TSPAN18: variants seen among roughly 807,000 people sequenced by gnomAD.
TSPAN18 encodes the protein tetraspanin-18.
TSPAN18 carries 14 observed loss-of-function variants against 27.3 expected under a neutral mutation model. That is an observed-to-expected ratio of 0.51 (90% CI 0.34 to 0.80). TSPAN18 has a LOEUF of 0.80. Among genes scored for constraint, TSPAN18 ranks in the 30% least tolerant of loss-of-function variants. TSPAN18 has a pLI of 0.01. For missense variants in TSPAN18, 268 were observed against 323.9 expected, an observed-to-expected ratio of 0.83 and a Z score of 1.32; for synonymous variants, 143 against 136.5, an observed-to-expected ratio of 1.05 and a Z score of -0.33.
At position 44,768,165 on chromosome 11, in the gene TSPAN18, G is replaced by A. The variant is rs950821217; in HGVS notation, c.-153+3653G>A. Among the ~76,000 whole-genome samples the A allele has an allele frequency of 6.0e-4, 91 of 152,128 alleles. 1 individual carries two copies. The highest frequency in any genetic ancestry group is 2.1e-4 in the South Asian group (1 of 4,824). On this transcript the variant is annotated intron_variant, in intron 2 of 9. Coordinates refer to ENST00000520358, the MANE Select transcript of TSPAN18 (RefSeq NM_130783.5). ...AACTTGCAGGATTTTGATTGGGGTC[G>A]TCTTGAATCTGTATATCAAGTTGGG...
Position 44,841,510 on chromosome 11 carries a change from CAT to C in TSPAN18, c.-152-18817_-152-18816del, listed in dbSNP as rs542743623. ...CAGCCTGGGCAAGAGCACGAAATTC[CAT>C]CTAAAAAAAAAAAAAGACTGCATGT... On this transcript the variant is annotated intron_variant, in intron 2 of 9. Coordinates refer to ENST00000520358, the MANE Select transcript of TSPAN18 (RefSeq NM_130783.5). Among the ~76,000 whole-genome samples, 386 of 85,902 alleles carry C rather than the reference CAT, an allele frequency of 4.5e-3. 4 individuals are homozygous for C. Among genetic ancestry groups the C allele is most frequent in the African/African-American group, 0.012 (371 of 32,190 alleles). 56.4% of individuals were successfully genotyped at this position (85,902 alleles called of 152,430 possible). A position where few individuals can be genotyped will look rare whatever the true frequency, so the allele number is the denominator to read the frequency against.
intron 2 of TSPAN18, among the ~76,000 whole-genome samples, chr11:44,837,548 A>G (rs982484282): frequency 6.6e-6 from 1 of 152,314 alleles, no homozygotes; most frequent in East Asian, 1.9e-4. Flanking sequence ...CAAAGGATGG[A>G]CTCCAATTTT....
At chr11:44,898,187 A>G (rs953374021) in intron 3 of TSPAN18, among the ~76,000 whole-genome samples, 13 of 152,236 alleles carry the variant, frequency 8.5e-5, no homozygotes, top group African/African-American at 3.1e-4. Context: ...AAAATAAATA[A>G]GTAGCACATA....
intron 9 of TSPAN18, among the ~76,000 whole-genome samples, chr11:44,927,073 C>T (rs895213035): frequency 6.6e-6 from 1 of 152,236 alleles, no homozygotes; most frequent in African/African-American, 2.4e-5. Context: ...AGAGATTTCA[C>T]GCTTGCAGAG....
In TSPAN18 at chr11:44,809,109, C is replaced by T. The variant is rs1856662562; in HGVS notation, c.-153+44597C>T. The stretch of plus-strand genomic sequence containing the variant: ...TGAACACTGTTTTACAACTGAGGCA[C>T]AGAGAGGTTAGGTGACTTCCCACAG... On this transcript the variant is annotated intron_variant, in intron 2 of 9. Transcript: ENST00000520358. Among the ~76,000 whole-genome samples, 3 of 152,260 alleles carry T rather than the reference C, an allele frequency of 2.0e-5. No individual in the cohort carries two copies. In the South Asian group the frequency reaches 6.2e-4, roughly 32 times the overall value.
intron 3 of TSPAN18, among the ~76,000 whole-genome samples, chr11:44,895,611 A>G (rs189391467): frequency 1.3e-5 from 2 of 152,310 alleles, no homozygotes; most frequent in African/African-American, 4.8e-5. Context: ...AAGTTGGGAC[A>G]CCACAAGGGG....
At chr11:44,810,334 C>T (rs182392052) in intron 2 of TSPAN18, among the ~76,000 whole-genome samples, 246 of 152,274 alleles carry the variant, frequency 1.6e-3, no homozygotes, top group African/African-American at 5.4e-3. Flanking sequence ...CCTCTTCCTT[C>T]TCTATGGATT....
At position 44,874,283 on chromosome 11, in the gene TSPAN18, C is replaced by A. The variant is rs138945242; in HGVS notation, c.-11+13814C>A. 6.1e-3 allele frequency among the ~76,000 whole-genome samples: 926 copies of A among 152,272 alleles called. 7 individuals carry two copies. Among genetic ancestry groups the A allele is most frequent in the African/African-American group, 0.021 (889 of 41,552 alleles). On this transcript the variant is annotated intron_variant, in intron 3 of 9. Transcript: ENST00000520358. The stretch of plus-strand genomic sequence containing the variant: ...AGAGATGGCAGCCAGGTGACCTGGG[C>A]ATGGGGAAAAGGGTGGGTCTCAAGT...
At chr11:44,865,707 G>T (rs907441186) in intron 3 of TSPAN18, among the ~76,000 whole-genome samples, 1 of 152,122 alleles carries the variant, frequency 6.6e-6, no homozygotes, top group Admixed American at 6.5e-5. Flanking sequence ...AAGGACAGGG[G>T]ACAGCTATGC....
intron 2 of TSPAN18, among the ~76,000 whole-genome samples, chr11:44,829,716 G>T (rs1385135616): frequency 6.6e-6 from 1 of 151,920 alleles, no homozygotes. Flanking sequence ...ACAATTTTTG[G>T]ATTATACAAT....
At chr11:44,734,207 C>T (rs1304333900) in intron 1 of TSPAN18, among the ~76,000 whole-genome samples, 1 of 152,214 alleles carries the variant, frequency 6.6e-6, no homozygotes, top group Non-Finnish European at 1.5e-5. Context: ...CTGGCACCTG[C>T]AGAACCATGA....
At chr11:44,784,826 G>T (rs1856017976) in intron 2 of TSPAN18, among the ~76,000 whole-genome samples, 1 of 152,192 alleles carries the variant, frequency 6.6e-6, no homozygotes, top group Non-Finnish European at 1.5e-5. Context: ...GAGTTAAATG[G>T]CTTGTTCAGG....
At chr11:44,912,131 C>T in intron 5 of TSPAN18, among the ~76,000 whole-genome samples, 1 of 152,010 alleles carries the variant, frequency 6.6e-6, no homozygotes, top group Non-Finnish European at 1.5e-5. Context: ...AAGTGATCCT[C>T]CCACCTCAGC....
chr11:44,923,500 T>C (rs1312293589), intron 8 of TSPAN18, among the ~76,000 whole-genome samples: 2 of 151,996 alleles, frequency 1.3e-5, no homozygotes, highest in Admixed American at 1.3e-4. Flanking sequence ...TCCAGGTGTG[T>C]AGATGTAAGC....
chr11:44,737,708 G>T (rs1854830538), intron 1 of TSPAN18, among the ~76,000 whole-genome samples: 1 of 152,082 alleles, frequency 6.6e-6, no homozygotes. Flanking sequence ...TGTTCAAAAG[G>T]CTTTCATGTG....
chr11:44,729,713 T>TACCTTGGGGTTGGGTTTAGGAC (rs1854605117), intron 1 of TSPAN18, among the ~76,000 whole-genome samples: 1 of 152,178 alleles, frequency 6.6e-6, no homozygotes, highest in African/African-American at 2.4e-5. Flanking sequence ...GGGTTTAGGA[T>TACCTTGGGGTTGGGTTTAGGAC]ACCTTGGGGT....
In TSPAN18 at chr11:44,929,513, T is replaced by G; in HGVS notation, c.*335T>G. On this transcript the variant is annotated 3_prime_UTR_variant, in exon 10 of 10. Coordinates refer to ENST00000520358, the MANE Select transcript of TSPAN18 (RefSeq NM_130783.5). ...GTCCAGCCAGACCCTGGGCCCTCTC[T>G]CCTCACTGCACCAGGACCTGATGCC... The G allele has an allele frequency of 3.1e-6, 1 of 321,478 alleles. No homozygotes were observed. The highest frequency in any genetic ancestry group is 5.7e-6 in the Non-Finnish European group (1 of 175,614). The allele number at this position is 321,478 out of a possible 1,614,324, so 19.9% of individuals were successfully genotyped here.
At chr11:44,750,207 G>A (rs531601727) in intron 1 of TSPAN18, among the ~76,000 whole-genome samples, 6 of 152,238 alleles carry the variant, frequency 3.9e-5, no homozygotes, top group African/African-American at 1.4e-4. Flanking sequence ...TTATAAGAGG[G>A]CTTTCCTGTG....
At chr11:44,790,782 C>T (rs999022977) in intron 2 of TSPAN18, among the ~76,000 whole-genome samples, 2 of 152,160 alleles carry the variant, frequency 1.3e-5, no homozygotes, top group African/African-American at 4.8e-5. Context: ...TCAGCTTCCT[C>T]ATCTGAAAAG....
Sources: allele counts gnomAD v4.1 joint callset (sites outside exome capture counted in the v4.1 genomes callset), GRCh38; gene constraint gnomAD v4.1.1; transcripts MANE v1.5; gene names NCBI Gene and HGNC (gene_info 2026-07-23, HGNC 2026-07-21).